Variants in SYT9 observed in about 807,000 individuals in gnomAD.
The protein encoded by SYT9 is synaptotagmin-9.
SYT9 carries 22 observed loss-of-function variants against 48.4 expected under a neutral mutation model. That is an observed-to-expected ratio of 0.45 (90% confidence interval 0.32 to 0.65). The LOEUF is 0.65. Ranked by LOEUF, SYT9 falls within the 30% of genes least tolerant of loss-of-function variation. The pLI is 0.03. For missense variants in SYT9, 577 were observed against 622.0 expected (o/e 0.93, Z 0.77); for synonymous variants, 265 against 245.0 (o/e 1.08, Z -0.76).
intron 3 of SYT9, among the ~76,000 whole-genome samples, chr11:7,328,056 A>G (rs556329911): frequency 1.4e-4 from 4 of 28,250 alleles, no homozygotes; most frequent in South Asian, 3.8e-3. Context: ...CATGTACCCT[A>G]AAACTTAAAG....
intron 3 of SYT9, among the ~76,000 whole-genome samples, chr11:7,341,718 T>C (rs1313963213): frequency 6.6e-6 from 1 of 152,180 alleles, no homozygotes; most frequent in East Asian, 1.9e-4. Context: ...AAATCACATA[T>C]ATGATTACAT....
At chr11:7,432,570 A>T (rs1490320811) in intron 6 of SYT9, among the ~76,000 whole-genome samples, 3 of 16,894 alleles carry the variant, frequency 1.8e-4, no homozygotes, top group East Asian at 3.5e-3. Context: ...AAAAAAAAAA[A>T]AAAAAAAAAA....
intron 3 of SYT9, among the ~76,000 whole-genome samples, chr11:7,395,441 G>A (rs890826969): frequency 1.3e-5 from 2 of 152,006 alleles, no homozygotes; most frequent in Non-Finnish European, 2.9e-5. Flanking sequence ...ATGCTTCTTG[G>A]TGGGATGTTG....
chr11:7,260,062 T>C (rs1848048958), intron 1 of SYT9, among the ~76,000 whole-genome samples: 2 of 152,166 alleles, frequency 1.3e-5, no homozygotes, highest in Admixed American at 1.3e-4. Flanking sequence ...CCACGTTGAA[T>C]TGATCAATCT....
At chr11:7,418,256 G>T in intron 5 of SYT9, 128 bp downstream of exon 5, 1 of 981,774 alleles carries the variant, frequency 1.0e-6, no homozygotes, top group Non-Finnish European at 1.5e-6. Flanking sequence ...AACTAGCAGT[G>T]CATGGGAAGC....
intron 3 of SYT9, among the ~76,000 whole-genome samples, chr11:7,317,607 G>T (rs1156311172): frequency 1.3e-5 from 2 of 152,142 alleles, no homozygotes; most frequent in Non-Finnish European, 2.9e-5. Flanking sequence ...TCCAAATACT[G>T]TCACAATCAC....
chr11:7,428,722 TG>T (rs1371013193), intron 6 of SYT9, among the ~76,000 whole-genome samples: 1 of 152,220 alleles, frequency 6.6e-6, no homozygotes, highest in Admixed American at 6.5e-5. Flanking sequence ...GAGTCTCATT[TG>T]TTGAGACTTT....
At chr11:7,251,663 C>T (rs1847869576), upstream of SYT9, among the ~76,000 whole-genome samples, 3 of 152,180 alleles carry the variant, frequency 2.0e-5, no homozygotes, top group Non-Finnish European at 4.4e-5. Context: ...TGGTTTGCAT[C>T]AGGGATGAGG....
intron 3 of SYT9, among the ~76,000 whole-genome samples, chr11:7,408,802 CT>C (rs1847075594): frequency 1.3e-5 from 2 of 151,954 alleles, no homozygotes; most frequent in Admixed American, 6.6e-5. Context: ...ATTTGGATGC[CT>C]TTTATTTTAT....
At chr11:7,452,229 T>A (rs1009467436) in intron 6 of SYT9, among the ~76,000 whole-genome samples, 8 of 152,176 alleles carry the variant, frequency 5.3e-5, no homozygotes, top group African/African-American at 1.9e-4. Context: ...GTAATTAACA[T>A]GTAGAAAATC....
At chr11:7,323,660 G>A (rs1849377233) in intron 3 of SYT9, among the ~76,000 whole-genome samples, 2 of 151,872 alleles carry the variant, frequency 1.3e-5, no homozygotes, top group Admixed American at 1.3e-4. Flanking sequence ...AGAATCATGT[G>A]TTTTGTTCCT....
At chr11:7,307,379 T>G (rs755472850) in intron 2 of SYT9, among the ~76,000 whole-genome samples, 4 of 152,234 alleles carry the variant, frequency 2.6e-5, no homozygotes, top group Non-Finnish European at 2.9e-5. Context: ...CAGATTTAAA[T>G]TAACTGCTTC....
chr11:7,305,336 C>G (rs779514611), intron 2 of SYT9, among the ~76,000 whole-genome samples: 28 of 152,192 alleles, frequency 1.8e-4, no homozygotes, highest in Non-Finnish European at 3.5e-4. Flanking sequence ...CTAATACTGA[C>G]AATTTGCATT....
In SYT9 at chr11:7,252,142, T is replaced by G. The variant is rs924694557; in HGVS notation, c.-45T>G. The G allele has an allele frequency of 7.3e-7, 1 of 1,376,958 alleles. No homozygotes were observed. The highest frequency in any genetic ancestry group is 9.3e-7 in the Non-Finnish European group (1 of 1,070,052). The allele number at this position is 1,376,958 out of a possible 1,614,324, so 85.3% of individuals were successfully genotyped here. A position where few individuals can be genotyped will look rare whatever the true frequency, so the allele number is the denominator to read the frequency against. On this transcript the variant is annotated 5_prime_UTR_variant, in exon 1 of 7. Transcript: ENST00000318881. This position sits in a 1 kb window ranked among gnomAD's most constrained non-coding sequence, Gnocchi z 6.3. ...CTGAGCTGGCAGGCGGAGGGCTGTC[T>G]CCTGCGCCCGCCTGCCCGGCGCGGT...
chr11:7,340,654 G>C (rs1368650054), intron 3 of SYT9, among the ~76,000 whole-genome samples: 2 of 152,312 alleles, frequency 1.3e-5, no homozygotes, highest in East Asian at 3.9e-4. Context: ...TAGGTGTTCT[G>C]TACTGGAGGT....
At chr11:7,384,945 G>A (rs1301536634) in intron 3 of SYT9, among the ~76,000 whole-genome samples, 1 of 151,960 alleles carries the variant, frequency 6.6e-6, no homozygotes, top group East Asian at 1.9e-4. Context: ...TTAACTGCAT[G>A]GCTTGCTTCC....
At chr11:7,365,865 G>A (rs987635134) in intron 3 of SYT9, among the ~76,000 whole-genome samples, 14 of 152,182 alleles carry the variant, frequency 9.2e-5, no homozygotes, top group Non-Finnish European at 1.5e-4. Context: ...TTCCAATCCT[G>A]CTCTAGCCAC....
intron 2 of SYT9, among the ~76,000 whole-genome samples, chr11:7,312,350 C>G (rs1004853829): frequency 1.3e-5 from 2 of 152,178 alleles, no homozygotes; most frequent in Admixed American, 6.5e-5. Context: ...TTACCAATCC[C>G]TAAGAGACAT....
chr11:7,398,179 G>A (rs1282725486), intron 3 of SYT9, among the ~76,000 whole-genome samples: 3 of 152,022 alleles, frequency 2.0e-5, no homozygotes, highest in African/African-American at 7.2e-5. Flanking sequence ...AATAAATATT[G>A]ACTTTTATCA....
Sources: allele counts gnomAD v4.1 joint callset (sites outside exome capture counted in the v4.1 genomes callset), GRCh38; gene constraint gnomAD v4.1.1; non-coding constraint Gnocchi (gnomAD v3.1); transcripts MANE v1.5; gene names NCBI Gene and HGNC (gene_info 2026-07-23, HGNC 2026-07-21).